Variants in TTC7A observed in about 807,000 individuals in gnomAD.
The protein encoded by TTC7A is tetratricopeptide repeat domain 7A.
Under a neutral mutation model 103.7 loss-of-function variants are expected in TTC7A, and 110 were observed. The observed-to-expected ratio is 1.06, with a 90% CI of 0.91 to 1.24. The LOEUF is 1.24. TTC7A is among the 50% of genes most tolerant of loss of function. TTC7A has a pLI of 0.00. For missense variants in TTC7A, 1,340 were observed against 1,116.3 expected (o/e 1.20, Z -2.86); for synonymous variants, 521 against 467.9 (o/e 1.11, Z -1.47).
chr2:47,024,431 A>T, intron 14 of TTC7A, 72 bp downstream of exon 14: 4 of 1,400,146 alleles, frequency 2.9e-6, no homozygotes, highest in Non-Finnish European at 3.9e-6. Flanking sequence ...CCAGCTTACC[A>T]GCTGTGTGAC....
intron 4 of TTC7A, among the ~76,000 whole-genome samples, chr2:46,975,571 C>G (rs1045714696): frequency 2.0e-5 from 3 of 152,020 alleles, no homozygotes; most frequent in Non-Finnish European, 4.4e-5. Flanking sequence ...ATCCCCCTCC[C>G]TCCCCACTCC....
chr2:46,995,354 G>A (rs1676076072), intron 8 of TTC7A, among the ~76,000 whole-genome samples, 155 bp downstream of exon 8: 1 of 152,216 alleles, frequency 6.6e-6, no homozygotes, highest in Non-Finnish European at 1.5e-5. Context: ...CCCCCATACA[G>A]CAAGTCTTGC....
At chr2:47,001,944 C>A (rs1017626648) in intron 8 of TTC7A, among the ~76,000 whole-genome samples, 1 of 151,752 alleles carries the variant, frequency 6.6e-6, no homozygotes, top group Non-Finnish European at 1.5e-5. Context: ...CCTTGGGTTT[C>A]TCATGGGCCA....
chr2:46,928,846 G>C (rs1384198230), intron 2 of TTC7A, among the ~76,000 whole-genome samples: 1 of 152,190 alleles, frequency 6.6e-6, no homozygotes, highest in African/African-American at 2.4e-5. Context: ...GAGGGGTAGG[G>C]GGGGAAGCTT....
chr2:46,936,037 G>A (rs1669960106), intron 2 of TTC7A, among the ~76,000 whole-genome samples: 1 of 152,126 alleles, frequency 6.6e-6, no homozygotes, highest in Admixed American at 6.5e-5. Flanking sequence ...GCTGCAGTGA[G>A]CTATGATTGC....
At chr2:46,921,805 C>T (rs556442342) in intron 2 of TTC7A, among the ~76,000 whole-genome samples, 2 of 152,240 alleles carry the variant, frequency 1.3e-5, no homozygotes, top group East Asian at 3.9e-4. Flanking sequence ...AACCTAGATC[C>T]CTTACATGCG....
At chr2:47,063,272 C>T (rs563833609) in intron 19 of TTC7A, among the ~76,000 whole-genome samples, 11 of 152,276 alleles carry the variant, frequency 7.2e-5, no homozygotes, top group Admixed American at 2.6e-4. Flanking sequence ...TAGTGTTGTT[C>T]TAATCAAATG....
At chr2:47,071,739 TAC>T (rs376271671) in intron 19 of TTC7A, among the ~76,000 whole-genome samples, 179 of 151,920 alleles carry the variant, frequency 1.2e-3, no homozygotes, top group Admixed American at 2.4e-3. Flanking sequence ...AAACTGAGAA[TAC>T]ACACACACAC....
chr2:47,006,802 GC>G, intron 10 of TTC7A, 78 bp downstream of exon 10: 1 of 1,204,514 alleles, frequency 8.3e-7, no homozygotes, highest in Non-Finnish European at 1.2e-6. Flanking sequence ...GGCTTTTCTG[GC>G]CAGGGGAGTG....
chr2:46,936,810 C>T (rs1558483743), upstream of TTC7A, among the ~76,000 whole-genome samples: 2 of 151,332 alleles, frequency 1.3e-5, no homozygotes, highest in East Asian at 1.9e-4. Context: ...CAGTGGTCTT[C>T]TTTTTTTTCA....
intron 1 of TTC7A, among the ~76,000 whole-genome samples, chr2:46,949,108 C>G (rs1671182094): frequency 6.6e-6 from 1 of 152,212 alleles, no homozygotes; most frequent in African/African-American, 2.4e-5. Context: ...TGACCTCAGA[C>G]CCTGCACACT....
intron 16 of TTC7A, among the ~76,000 whole-genome samples, chr2:47,047,789 T>G (rs893384503): frequency 6.6e-6 from 1 of 152,222 alleles, no homozygotes; most frequent in African/African-American, 2.4e-5. Context: ...GGGCTGGGGC[T>G]TGTCACAATG....
chr2:46,945,399 C>T (rs758713319), intron 1 of TTC7A, among the ~76,000 whole-genome samples: 44 of 152,278 alleles, frequency 2.9e-4, no homozygotes, highest in Non-Finnish European at 3.5e-4. Context: ...ACTACAGGTG[C>T]GTGGCACCAC....
intron 2 of TTC7A, among the ~76,000 whole-genome samples, chr2:46,934,108 C>T (rs1462250139): frequency 2.0e-5 from 3 of 151,648 alleles, no homozygotes; most frequent in African/African-American, 7.3e-5. Context: ...TGAGTCAGTA[C>T]ACAGGAAGAA....
At chr2:47,025,150 T>A (rs1454076861) in intron 14 of TTC7A, among the ~76,000 whole-genome samples, 1 of 152,140 alleles carries the variant, frequency 6.6e-6, no homozygotes, top group Non-Finnish European at 1.5e-5. Context: ...TGGGCTGAGC[T>A]CCAGGCCGGC....
At chr2:47,053,894 C>T (rs962481872) in intron 18 of TTC7A, among the ~76,000 whole-genome samples, 13 of 152,124 alleles carry the variant, frequency 8.5e-5, no homozygotes, top group African/African-American at 2.4e-4. Context: ...TGTTTGTTTA[C>T]TACCATCATC....
intron 1 of TTC7A, among the ~76,000 whole-genome samples, chr2:46,944,151 G>A (rs905024856): frequency 7.2e-5 from 11 of 152,062 alleles, no homozygotes; most frequent in African/African-American, 2.7e-4. Flanking sequence ...GCTGGGGTTT[G>A]TTCATATAGA....
At position 46,916,263 on chromosome 2, in the gene TTC7A, G is replaced by A. The variant is rs192622062; in HGVS notation, c.-327G>A. The A allele has an allele frequency of 6.3e-5, 48 of 759,746 alleles. 1 individual carries two copies. In the Admixed American group the frequency reaches 1.8e-3, roughly 29 times the overall value. 47.1% of individuals were successfully genotyped at this position (759,746 alleles called of 1,614,324 possible). On this transcript the variant is annotated 5_prime_UTR_variant, in exon 1 of 21. Transcript: ENST00000409245. ...CTTCTTGATGAAACGACCACAACAC[G>A]CTGGAGCCGGCCTTGGACCCTACGT...
intron 11 of TTC7A, among the ~76,000 whole-genome samples, chr2:47,020,125 G>A (rs1227141220): frequency 6.6e-6 from 1 of 152,012 alleles, no homozygotes; most frequent in Non-Finnish European, 1.5e-5. Context: ...AGGGCCTGGA[G>A]CTACAAAAAC....
Sources: gnomAD v4.1 joint callset for allele counts (sites outside exome capture counted in the v4.1 genomes callset) on GRCh38, gnomAD v4.1.1 for gene constraint, MANE v1.5 for transcripts, NCBI Gene and HGNC (gene_info 2026-07-23, HGNC 2026-07-21) for gene names.